Variants in FAT3 observed in about 807,000 individuals in gnomAD.
FAT3 encodes the protein protocadherin Fat 3.
In FAT3, 95 loss-of-function variants were observed where a neutral mutation model predicts 310.2. The observed-to-expected ratio is 0.31, with a 90% CI of 0.26 to 0.36. The LOEUF (loss-of-function observed/expected upper bound fraction) is 0.36. FAT3 is among the 10% of genes least tolerant of loss of function. FAT3 has a pLI of 1.00. For missense variants in FAT3, 5,408 were observed against 5,715.6 expected (o/e 0.95, Z 1.74); for synonymous variants, 2,314 against 2,192.9 (o/e 1.06, Z -1.54).
At chr11:92,890,327 G>C (rs7101609) in intron 27 of FAT3, among the ~76,000 whole-genome samples, 164 bp from the exon 28 acceptor site, 102,796 of 152,092 alleles carry the variant, frequency 0.68, 35,145 homozygotes, top group African/African-American at 0.76. Context: ...TCACCTTGTT[G>C]TCCGCAGGCC....
At chr11:92,737,270 G>C (rs1389073591) in intron 4 of FAT3, among the ~76,000 whole-genome samples, 2 of 152,236 alleles carry the variant, frequency 1.3e-5, no homozygotes, top group East Asian at 3.9e-4. Context: ...ACCAGCCCTT[G>C]ATTTTTGTCT....
At position 92,258,173 on chromosome 11, in the gene FAT3, G is replaced by C. The variant is rs182678068; in HGVS notation, c.-18+32999G>C. Among the ~76,000 whole-genome samples, 8 of 152,208 alleles carry C rather than the reference G, an allele frequency of 5.3e-5. No homozygotes were observed. In the East Asian group the frequency reaches 1.2e-3, roughly 22 times the overall value. The stretch of plus-strand genomic sequence containing the variant: ...CTGTATATAAATATACTCCAGTAGA[G>C]AGACCCAGCCTCTGTGATCCCAAAT... On this transcript the variant is annotated intron_variant, in intron 1 of 27. Transcript: ENST00000525166.
intron 3 of FAT3, among the ~76,000 whole-genome samples, chr11:92,617,622 CCTTTGGT>C (rs1354518623): frequency 6.6e-6 from 1 of 152,112 alleles, no homozygotes; most frequent in Admixed American, 6.5e-5. Context: ...GTTTTATCTA[CCTTTGGT>C]CTTTGATGAT....
chr11:92,549,592 T>C (rs910579666), intron 3 of FAT3, among the ~76,000 whole-genome samples: 1 of 152,298 alleles, frequency 6.6e-6, no homozygotes. Context: ...ATGATGATGA[T>C]GATAACTTAT....
Position 92,789,945 on chromosome 11 carries a change from A to G in FAT3, c.4338A>G (p.Val1446=). ...TDGTNVAVTQ[V]FIKVLDNNDN... ...TTCTTTTCTTCTTTTAACTACAGGT[A>G]TTTATCAAAGTGCTGGATAATAATG... Residue 1446 remains valine, a splice_region_variant and synonymous_variant, in exon 8 of 28, where the codon GTA becomes GTG. Transcript: ENST00000525166. 1 of 1,613,352 alleles carries G rather than the reference A, an allele frequency of 6.2e-7. No individual in the cohort carries two copies. The highest frequency in any genetic ancestry group is 8.5e-7 in the Non-Finnish European group (1 of 1,179,408).
chr11:92,247,086 T>C (rs1864945340), intron 1 of FAT3, among the ~76,000 whole-genome samples: 1 of 152,050 alleles, frequency 6.6e-6, no homozygotes, highest in Non-Finnish European at 1.5e-5. Context: ...TTGGGATGTC[T>C]CAGTGATTCC....
intron 3 of FAT3, among the ~76,000 whole-genome samples, chr11:92,544,085 G>A (rs1277365734): frequency 6.6e-6 from 1 of 152,170 alleles, no homozygotes; most frequent in African/African-American, 2.4e-5. Context: ...TTTTGTGTGA[G>A]ATCCCTGTAG....
chr11:92,619,786 G>A (rs978571284), intron 3 of FAT3, among the ~76,000 whole-genome samples: 3 of 151,238 alleles, frequency 2.0e-5, no homozygotes, highest in African/African-American at 7.3e-5. Flanking sequence ...TGTCAAATTT[G>A]TTGAGCTTTT....
intron 3 of FAT3, among the ~76,000 whole-genome samples, chr11:92,570,602 T>G (rs1955637480): frequency 6.6e-6 from 1 of 152,152 alleles, no homozygotes; most frequent in Middle Eastern, 3.2e-3. Flanking sequence ...AGAAAACCTA[T>G]AGGTAAGATT....
chr11:92,308,452 G>T (rs904421614), intron 1 of FAT3, among the ~76,000 whole-genome samples: 8 of 152,098 alleles, frequency 5.3e-5, no homozygotes, highest in African/African-American at 1.9e-4. Context: ...CCAGTTGTTT[G>T]ATTGTGAAAT....
chr11:92,656,777 T>A (rs1942596207), intron 3 of FAT3, among the ~76,000 whole-genome samples: 1 of 152,260 alleles, frequency 6.6e-6, no homozygotes, highest in African/African-American at 2.4e-5. Flanking sequence ...GGTAGAGGAC[T>A]TTATCAGCTT....
At chr11:92,394,668 A>T (rs1407423011) in intron 2 of FAT3, among the ~76,000 whole-genome samples, 2 of 152,056 alleles carry the variant, frequency 1.3e-5, no homozygotes, top group Non-Finnish European at 2.9e-5. Context: ...TTTATCAAAA[A>T]ACTCTGTATC....
intron 2 of FAT3, among the ~76,000 whole-genome samples, chr11:92,447,904 AAC>A (rs1425363845): frequency 6.6e-6 from 1 of 151,830 alleles, no homozygotes; most frequent in African/African-American, 2.4e-5. Flanking sequence ...AAAACTTGCA[AAC>A]ACAGTGACAA....
intron 1 of FAT3, among the ~76,000 whole-genome samples, chr11:92,323,003 T>C (rs560009688): frequency 6.6e-6 from 1 of 152,308 alleles, no homozygotes; most frequent in Non-Finnish European, 1.5e-5. Context: ...CAATTTACTT[T>C]ACCAGATTCA....
intron 3 of FAT3, among the ~76,000 whole-genome samples, chr11:92,536,325 TAGGCTTCATAATAACCTTG>T (rs1432929448): frequency 6.6e-6 from 1 of 152,196 alleles, no homozygotes; most frequent in Non-Finnish European, 1.5e-5. Flanking sequence ...TAGTCATAGT[TAGGCTTCATAATAACCTTG>T]AGAGGGAAAG....
At chr11:92,660,662 C>T (rs1942751066) in intron 3 of FAT3, among the ~76,000 whole-genome samples, 1 of 152,104 alleles carries the variant, frequency 6.6e-6, no homozygotes, top group African/African-American at 2.4e-5. Flanking sequence ...AAAAAGAAAA[C>T]AGGAAACAAG....
intron 4 of FAT3, among the ~76,000 whole-genome samples, chr11:92,734,268 A>T (rs986308938): frequency 6.6e-6 from 1 of 152,214 alleles, no homozygotes; most frequent in Non-Finnish European, 1.5e-5. Flanking sequence ...CACCTGTGTC[A>T]GTGCGATACC....
chr11:92,450,167 T>C (rs953629146), intron 2 of FAT3, among the ~76,000 whole-genome samples: 1 of 152,224 alleles, frequency 6.6e-6, no homozygotes, highest in African/African-American at 2.4e-5. Flanking sequence ...GCAGCCTCGT[T>C]GAGGTTTCAT....
intron 1 of FAT3, among the ~76,000 whole-genome samples, chr11:92,225,620 A>C (rs1450090645): frequency 5.3e-5 from 8 of 152,050 alleles, no homozygotes; most frequent in Non-Finnish European, 1.5e-5. Context: ...TGGATGATGC[A>C]CTTAGGGGAC....
Sources: gnomAD v4.1 joint callset for allele counts (sites outside exome capture counted in the v4.1 genomes callset) on GRCh38, gnomAD v4.1.1 for gene constraint, MANE v1.5 for transcripts, NCBI Gene and HGNC (gene_info 2026-07-23, HGNC 2026-07-21) for gene names.